Variants in ZAR1L observed in about 807,000 individuals in gnomAD.
ZAR1L encodes protein ZAR1-like.
In ZAR1L, 16 loss-of-function variants were observed where a neutral mutation model predicts 30.0. That is an observed-to-expected ratio of 0.53 (90% confidence interval 0.36 to 0.81). The LOEUF (loss-of-function observed/expected upper bound fraction) is 0.81. Among genes scored for constraint, ZAR1L ranks in the 30% least tolerant of loss-of-function variants. The probability of loss-of-function intolerance (pLI) is 0.00; values close to 1 mark genes in which losing one functional copy is unlikely to be tolerated. For synonymous variants in ZAR1L, 197 were observed against 166.8 expected (o/e 1.18, Z -1.40); for missense variants, 392 against 417.2 (o/e 0.94, Z 0.53).
chr13:32,310,103 C>T (rs2072201907), intron 4 of ZAR1L, among the ~76,000 whole-genome samples: 1 of 152,220 alleles, frequency 6.6e-6, no homozygotes. Flanking sequence ...CATTCTCAAA[C>T]GAGGGTCTCT....
intron 5 of ZAR1L, among the ~76,000 whole-genome samples, chr13:32,306,990 C>T (rs181327754): frequency 1.1e-4 from 16 of 146,690 alleles, no homozygotes; most frequent in Non-Finnish European, 1.6e-4. Flanking sequence ...ACCTCCAGAC[C>T]AATACTATGG....
rs542285913 is a variant in ZAR1L at position 32,310,810 on chromosome 13, GA to G, written c.655-80del. The G allele has an allele frequency of 5.2e-4, 476 of 916,882 alleles. 1 individual carries two copies. The African/African-American group carries it at 5.3e-3, about 10-fold the overall frequency. The allele number at this position is 916,882 out of a possible 1,614,324, so 56.8% of individuals were successfully genotyped here. A position where few individuals can be genotyped will look rare whatever the true frequency, so the allele number is the denominator to read the frequency against. On this transcript the variant is annotated intron_variant, in intron 3 of 5. Coordinates refer to ENST00000533490, the MANE Select transcript of ZAR1L (RefSeq NM_001136571.2). ...ATCCTTCTTTATGACTTTGTATAAG[GA>G]AAAAAAAATGACTTCTTTAACCTCA...
intron 5 of ZAR1L, among the ~76,000 whole-genome samples, chr13:32,306,584 GAAGT>G (rs973070914): frequency 2.0e-4 from 31 of 152,184 alleles, no homozygotes; most frequent in African/African-American, 6.8e-4. Context: ...AGGGCAGAAA[GAAGT>G]ATTTCCAACC....
chr13:32,312,149 C>T (rs192637208), intron 2 of ZAR1L, 56 bp from the exon 3 acceptor site: 1 of 534,176 alleles, frequency 1.9e-6, no homozygotes, highest in East Asian at 3.2e-5. Flanking sequence ...CTGATTCCTA[C>T]CTAATTGCTT....
chr13:32,308,992 A>ATTT (rs35160937), intron 4 of ZAR1L, among the ~76,000 whole-genome samples: 1 of 144,564 alleles, frequency 6.9e-6, no homozygotes, highest in African/African-American at 2.6e-5. Context: ...ATTGGAATAC[A>ATTT]TTTTTTTTTT....
intron 3 of ZAR1L, 109 bp from the exon 4 acceptor site, chr13:32,310,840 G>C (rs1457913000): frequency 1.4e-6 from 1 of 726,810 alleles, no homozygotes; most frequent in South Asian, 1.6e-5. Flanking sequence ...AACCTCACTT[G>C]TATCTATTCT....
At chr13:32,307,498 CAAAA>C (rs772822284) in intron 5 of ZAR1L, among the ~76,000 whole-genome samples, 9 of 15,352 alleles carry the variant, frequency 5.9e-4, no homozygotes, top group African/African-American at 1.2e-3. Flanking sequence ...GAGTCTGTCT[CAAAA>C]AAAAAAAAAA....
rs1308098076 is a variant in ZAR1L, at chr13:32,311,604, C to A, written c.322G>T (p.Gly108Trp). The A allele has an allele frequency of 3.2e-6, 5 of 1,548,778 alleles. No homozygotes were observed. Among genetic ancestry groups the A allele is most frequent in the Non-Finnish European group, 4.4e-6 (5 of 1,145,690 alleles). The change falls in exon 3 of 6, where the codon GGG becomes TGG. Residue 108 changes from glycine (G) to tryptophan (W), a missense_variant. Transcript: ENST00000533490. ...GAGCAGCTGCTGAGGGTGCGAGGCC[C>A]CAGAGAGCACTGCACAGCCTTGTCC... The part of the protein sequence containing the change: ...RVDKAVQCSL[G>W]PRTLSSCSPW...
chr13:32,309,111 C>T (rs987327530), intron 4 of ZAR1L, among the ~76,000 whole-genome samples: 1 of 151,948 alleles, frequency 6.6e-6, no homozygotes, highest in African/African-American at 2.4e-5. Context: ...CTGCCTCAGC[C>T]TCCTGAGTTG....
chr13:32,305,479 G>A (rs2072168080), intron 5 of ZAR1L, among the ~76,000 whole-genome samples: 1 of 152,180 alleles, frequency 6.6e-6, no homozygotes, highest in African/African-American at 2.4e-5. Context: ...ACCCGCCTCG[G>A]CCTCCCAAAG....
At chr13:32,308,560 T>C (rs2072192121) in intron 5 of ZAR1L, 126 bp downstream of exon 5, 1 of 661,410 alleles carries the variant, frequency 1.5e-6, no homozygotes, top group South Asian at 2.0e-5. Context: ...TTCTAAAATG[T>C]AACATCTCAA....
At chr13:32,305,483 C>G (rs2072168104) in intron 5 of ZAR1L, among the ~76,000 whole-genome samples, 1 of 152,214 alleles carries the variant, frequency 6.6e-6, no homozygotes, top group Non-Finnish European at 1.5e-5. Flanking sequence ...GCCTCGGCCT[C>G]CCAAAGTGCT....
At chr13:32,309,954 T>C (rs1375175658) in intron 4 of ZAR1L, among the ~76,000 whole-genome samples, 2 of 152,254 alleles carry the variant, frequency 1.3e-5, no homozygotes, top group African/African-American at 2.4e-5. Flanking sequence ...TAAGGCAATT[T>C]CTAAACATGC....
In ZAR1L at chr13:32,311,560, G is replaced by T. The variant is rs1362240570; in HGVS notation, c.366C>A (p.Asp122Glu). ...LSSCSPWDGR[D>E]PQEPLPACGV... ...CACAGGCTGGCAGGGGCTCCTGGGGGTCTCTGCCGTCCCAGGGGGAGCAGC... is the reference window on the plus strand; with the variant it reads ...CACAGGCTGGCAGGGGCTCCTGGGGTTCTCTGCCGTCCCAGGGGGAGCAGC... Residue 122 changes from aspartate to glutamate, a missense_variant, in exon 3 of 6, where the codon GAC becomes GAA. Transcript: ENST00000533490. 3 of 1,534,848 alleles carry T rather than the reference G, an allele frequency of 2.0e-6. No individual in the cohort carries two copies. Among genetic ancestry groups the T allele is most frequent in the Admixed American group, 2.0e-5 (1 of 49,838 alleles).
intron 2 of ZAR1L, among the ~76,000 whole-genome samples, chr13:32,312,885 C>CAAA (rs2072224621): frequency 2.0e-5 from 3 of 151,938 alleles, no homozygotes; most frequent in African/African-American, 7.3e-5. Flanking sequence ...CCGTCTCAAA[C>CAAA]AAACAAACAA....
chr13:32,313,280 A>G (rs886232557), intron 2 of ZAR1L, among the ~76,000 whole-genome samples: 4 of 152,262 alleles, frequency 2.6e-5, no homozygotes, highest in Non-Finnish European at 4.4e-5. Context: ...TTGCTTGACT[A>G]TAGTAATCAT....
At chr13:32,304,091 C>A in intron 5 of ZAR1L, 69 bp from the exon 6 acceptor site, 1 of 1,472,618 alleles carries the variant, frequency 6.8e-7, no homozygotes, top group Non-Finnish European at 9.1e-7. Context: ...ACCCTCAAAT[C>A]ACAGTACTTC....
chr13:32,305,674 T>G (rs1324556050), intron 5 of ZAR1L, among the ~76,000 whole-genome samples: 1 of 152,246 alleles, frequency 6.6e-6, no homozygotes, highest in Non-Finnish European at 1.5e-5. Flanking sequence ...ACCCTAAAGG[T>G]TGATTTTTGC....
At chr13:32,310,419 C>T (rs966712210) in intron 4 of ZAR1L, among the ~76,000 whole-genome samples, 2 of 152,252 alleles carry the variant, frequency 1.3e-5, no homozygotes, top group African/African-American at 4.8e-5. Flanking sequence ...AACCTGACAT[C>T]TTGTCATATA....
Sources: gnomAD v4.1 joint callset for allele counts (sites outside exome capture counted in the v4.1 genomes callset) on GRCh38, gnomAD v4.1.1 for gene constraint, MANE v1.5 for transcripts, NCBI Gene and HGNC (gene_info 2026-07-23, HGNC 2026-07-21) for gene names.